C12orf43: variants seen among roughly 807,000 people sequenced by gnomAD.
C12orf43 encodes the protein protein CUSTOS.
Under a neutral mutation model 20.6 loss-of-function variants are expected in C12orf43, and 15 were observed. That is an observed-to-expected ratio of 0.73 (90% CI 0.49 to 1.12). The LOEUF (loss-of-function observed/expected upper bound fraction) is 1.12. Ranked by LOEUF, C12orf43 falls within the 50% of genes most tolerant of loss-of-function variation. C12orf43 has a pLI of 0.00. For missense variants in C12orf43, 334 were observed against 344.4 expected, an observed-to-expected ratio of 0.97 and a Z score of 0.24; for synonymous variants, 144 against 130.8, an observed-to-expected ratio of 1.10 and a Z score of -0.69.
intron 3 of C12orf43, among the ~76,000 whole-genome samples, chr12:121,010,483 A>G (rs1451475481): frequency 6.6e-6 from 1 of 152,200 alleles, no homozygotes; most frequent in Admixed American, 6.5e-5. Context: ...AGTGGGAATG[A>G]TAACAGTCCC....
At chr12:121,008,272 T>C (rs930746009) in intron 3 of C12orf43, among the ~76,000 whole-genome samples, 4 of 152,008 alleles carry the variant, frequency 2.6e-5, no homozygotes, top group Non-Finnish European at 5.9e-5. Context: ...GTAGCTGGGA[T>C]AACAGGTGCA....
rs1877482934 is a variant in C12orf43, at chr12:121,001,519, C to T, written c.*2634G>A. 4.4e-6 allele frequency: 2 copies of T among 453,786 alleles called. No individual in the cohort carries two copies. Among genetic ancestry groups the T allele is most frequent in the East Asian group, 3.9e-5 (1 of 25,538 alleles). The allele number at this position is 453,786 out of a possible 1,614,324, so 28.1% of individuals were successfully genotyped here. ...AAGGGGGCGGCCTATGACTTGGGCA[C>T]CCCCAGCCTGGGCCTATGGAGAGCC... On this transcript the variant is annotated 3_prime_UTR_variant, in exon 6 of 6. Transcript: ENST00000288757.
chr12:121,006,253 T>G (rs1878010738), intron 4 of C12orf43, 68 bp downstream of exon 4: 1 of 1,374,316 alleles, frequency 7.3e-7, no homozygotes, highest in African/African-American at 1.4e-5. Flanking sequence ...CCAAAACTGT[T>G]TCGCCCACCT....
chr12:121,011,248 C>CAT (rs1329777689), intron 1 of C12orf43, 102 bp from the exon 2 acceptor site: 4 of 821,284 alleles, frequency 4.9e-6, no homozygotes, highest in East Asian at 2.5e-5. Flanking sequence ...ACATATAACT[C>CAT]ATATATATAC....
rs1192023008 is a variant in C12orf43 at position 121,004,835 on chromosome 12, C to T, written c.452+168G>A. 6.6e-6 allele frequency among the ~76,000 whole-genome samples: 1 copy of T among 152,166 alleles called. No homozygotes were observed. Among genetic ancestry groups the T allele is most frequent in the African/African-American group, 2.4e-5 (1 of 41,420 alleles). On this transcript the variant is annotated intron_variant, in intron 5 of 5. Coordinates refer to ENST00000288757, the MANE Select transcript of C12orf43 (RefSeq NM_022895.3). This position sits in a 1 kb window ranked among gnomAD's most constrained non-coding sequence, Gnocchi z 5.6. ...AAAAGCAGTAAACATCCAAAGCTGC[C>T]GCCAAGAGGGCTTTCCCTCCCGCTG... is the stretch of plus-strand genomic sequence containing the variant.
At chr12:121,006,224 A>G (rs1022817082) in intron 4 of C12orf43, 97 bp downstream of exon 4, 7 of 649,810 alleles carry the variant, frequency 1.1e-5, no homozygotes, top group Non-Finnish European at 1.6e-5. Context: ...TCAAAAAAAG[A>G]AAAAAAAAAA....
At chr12:121,011,487 T>C (rs1878469630) in intron 1 of C12orf43, among the ~76,000 whole-genome samples, 1 of 149,420 alleles carries the variant, frequency 6.7e-6, no homozygotes, top group African/African-American at 2.4e-5. Flanking sequence ...CTTAGTTATA[T>C]ATACATAAAA....
chr12:121,015,384 G>T (rs1314955345), intron 1 of C12orf43, among the ~76,000 whole-genome samples: 2 of 152,216 alleles, frequency 1.3e-5, no homozygotes, highest in Non-Finnish European at 2.9e-5. Context: ...AACAAATCCA[G>T]CGGTTCTTAA....
chr12:121,001,160 A>G lies in C12orf43; in HGVS notation c.*2993T>C, dbSNP rs1217308885. 1.2e-6 allele frequency: 2 copies of G among 1,613,944 alleles called. No homozygotes were observed. The highest frequency in any genetic ancestry group is 1.3e-5 in the African/African-American group (1 of 74,918). ...CAACCACAGCGTCATCGAGACCTTCATCTCCACCCAGATGGCCTCTTCCTC... is the reference window on the plus strand; with the variant it reads ...CAACCACAGCGTCATCGAGACCTTCGTCTCCACCCAGATGGCCTCTTCCTC... On this transcript the variant is annotated 3_prime_UTR_variant, in exon 6 of 6. Transcript: ENST00000288757.
chr12:121,006,419 T>C (rs758329414), intron 3 of C12orf43, 25 bp from the exon 4 acceptor site: 31 of 1,609,060 alleles, frequency 1.9e-5, no homozygotes, highest in Non-Finnish European at 2.5e-5. Flanking sequence ...GACGGTTGAT[T>C]TAAGATGAGA....
Position 121,001,338 on chromosome 12 carries a change from C to T in C12orf43, c.*2815G>A. The T allele has an allele frequency of 9.7e-7, 1 of 1,032,516 alleles. No homozygotes were observed. The highest frequency in any genetic ancestry group is 1.4e-6 in the Non-Finnish European group (1 of 703,768). The allele number at this position is 1,032,516 out of a possible 1,614,324, so 64.0% of individuals were successfully genotyped here. On this transcript the variant is annotated 3_prime_UTR_variant, in exon 6 of 6. Coordinates refer to ENST00000288757, the MANE Select transcript of C12orf43 (RefSeq NM_022895.3). ...CCTCGCTCCCCACTCTGCTCTGATG[C>T]ATCAGAAAGGGAGGGCTCTGAGGCG...
rs1278745892 is a variant in C12orf43, at chr12:121,001,434, T to C, written c.*2719A>G. On this transcript the variant is annotated 3_prime_UTR_variant, in exon 6 of 6. Transcript: ENST00000288757. ...GAGAGCTAGGAGCAAAGCCTGTTCA[T>C]GGCAGATGTAGGAGGGACTGTCGCT... 1.4e-5 allele frequency: 8 copies of C among 556,494 alleles called. No individual in the cohort carries two copies. The highest frequency in any genetic ancestry group is 2.3e-5 in the Non-Finnish European group (7 of 308,610). The allele number at this position is 556,494 out of a possible 1,614,324, so 34.5% of individuals were successfully genotyped here.
At position 121,004,071 on chromosome 12, in the gene C12orf43, G is replaced by A. The variant is rs1169579997; in HGVS notation, c.*82C>T. On this transcript the variant is annotated 3_prime_UTR_variant, in exon 6 of 6. Coordinates refer to ENST00000288757, the MANE Select transcript of C12orf43 (RefSeq NM_022895.3). This position sits in a 1 kb window ranked among gnomAD's most constrained non-coding sequence, Gnocchi z 5.6. ...AGTCCTTGAACTTGGAGAGGGAGGT[G>A]GGGCTTGGAAATGCCTTGTCCCCAG... 4.2e-6 allele frequency: 6 copies of A among 1,442,894 alleles called. No homozygotes were observed. Among genetic ancestry groups the A allele is most frequent in the Non-Finnish European group, 5.8e-6 (6 of 1,025,878 alleles). The allele number at this position is 1,442,894 out of a possible 1,614,324, so 89.4% of individuals were successfully genotyped here.
At chr12:121,010,750 C>T (rs1032833166) in intron 3 of C12orf43, 78 bp downstream of exon 3, 62 of 1,189,546 alleles carry the variant, frequency 5.2e-5, no homozygotes, top group Admixed American at 1.6e-4. Context: ...GCCTGGACAC[C>T]GTGAGCTCCC....
rs1266176817 is a variant in C12orf43, at chr12:121,001,276, C to T, written c.*2877G>A. ...GCCAGCCCTGCCTGGAGGACCTGAG[C>T]CTGCCGAGCAACCGTGGCCCTTCCT... On this transcript the variant is annotated 3_prime_UTR_variant, in exon 6 of 6. Transcript: ENST00000288757. 6.5e-7 allele frequency: 1 copy of T among 1,534,946 alleles called. No individual in the cohort carries two copies. Among genetic ancestry groups the T allele is most frequent in the Non-Finnish European group, 8.9e-7 (1 of 1,124,362 alleles).
chr12:121,004,229 T>C lies in C12orf43; in HGVS notation c.713A>G (p.Lys238Arg). 6.2e-7 allele frequency: 1 copy of C among 1,614,238 alleles called. No individual in the cohort carries two copies. The part of the protein sequence containing the change: ...GDQVSLGTKK[K>R]KKAKKASETS... ...CTCGCTGGCCTTCTTTGCCTTTTTC[T>C]TCTTTTTGGTCCCAAGCGACACCTG... Residue 238 changes from lysine to arginine, a missense_variant, in exon 6 of 6, where the codon AAG becomes AGG. Coordinates refer to ENST00000288757, the MANE Select transcript of C12orf43 (RefSeq NM_022895.3). The surrounding 1 kb of genome is among the most constrained non-coding windows in gnomAD (Gnocchi z 5.6).
At chr12:121,006,504 G>A (rs1878038969) in intron 3 of C12orf43, 110 bp from the exon 4 acceptor site, 20 of 1,046,764 alleles carry the variant, frequency 1.9e-5, no homozygotes, top group Non-Finnish European at 3.0e-5. Flanking sequence ...ATGCAAAAGC[G>A]AAAGCGTGCT....
chr12:121,001,086 T>G lies in C12orf43; in HGVS notation c.*3067A>C. 6.2e-7 allele frequency: 1 copy of G among 1,613,762 alleles called. No individual in the cohort carries two copies. Among genetic ancestry groups the G allele is most frequent in the Non-Finnish European group, 8.5e-7 (1 of 1,179,894 alleles). The stretch of plus-strand genomic sequence containing the variant: ...GCAGTGTCCTCCAGCAGCCTGGTGC[T>G]GTACCAGAGCTCAGACTCCAGCAAT... On this transcript the variant is annotated 3_prime_UTR_variant, in exon 6 of 6. Coordinates refer to ENST00000288757, the MANE Select transcript of C12orf43 (RefSeq NM_022895.3).
intron 1 of C12orf43, among the ~76,000 whole-genome samples, chr12:121,012,849 T>TAAAAAAAAAAAAAAAAAAAAA (rs10636003): frequency 7.6e-5 from 7 of 91,992 alleles, no homozygotes; most frequent in African/African-American, 2.6e-4. Context: ...AGACTCCGTC[T>TAAAAAAAAAAAAAAAAAAAAA]AAAAAAAAAA....
Sources: gnomAD v4.1 joint callset for allele counts (sites outside exome capture counted in the v4.1 genomes callset) on GRCh38, gnomAD v4.1.1 for gene constraint, Gnocchi (gnomAD v3.1) non-coding constraint, MANE v1.5 for transcripts, NCBI Gene and HGNC (gene_info 2026-07-23, HGNC 2026-07-21) for gene names.